Variants in PTGR3 observed in about 807,000 individuals in gnomAD.
PTGR3 encodes zinc binding alcohol dehydrogenase domain containing 2.
the PTGR3 span, chr18:75,205,224 C>T: frequency 1.0e-6 from 1 of 985,574 alleles, no homozygotes; most frequent in Non-Finnish European, 1.2e-6. Flanking sequence ...TCGCGCCTTC[C>T]GCTCCACCAG....
At chr18:75,205,263 G>A in the PTGR3 span, 2 of 985,684 alleles carry the variant, frequency 2.0e-6, no homozygotes, top group African/African-American at 3.5e-5. Context: ...CAGGCGCAAA[G>A]CGAATGCGGG....
the PTGR3 span, chr18:75,201,640 A>G: frequency 6.2e-7 from 1 of 1,614,238 alleles, no homozygotes; most frequent in Non-Finnish European, 8.5e-7. Context: ...TGGTTCAGGA[A>G]GAAGCCCTGT....
At chr18:75,195,849 G>C in the PTGR3 span, 3 of 152,240 alleles carry the variant, frequency 2.0e-5, no homozygotes, top group Non-Finnish European at 2.9e-5. Context: ...AGGAGGTCAA[G>C]GCTGCAGTGA....
At chr18:75,198,909 A>T in the PTGR3 span, 1 of 152,616 alleles carries the variant, frequency 6.6e-6, no homozygotes, top group East Asian at 1.9e-4. Flanking sequence ...TTCACCTCCC[A>T]TTAGAGGCTG....
the PTGR3 span, among the ~76,000 whole-genome samples, chr18:75,206,284 G>T: frequency 7.9e-5 from 12 of 152,154 alleles, no homozygotes; most frequent in East Asian, 2.1e-3. Context: ...TGAAGAATTT[G>T]TATTTTGTGC....
At chr18:75,203,230 G>C in the PTGR3 span, among the ~76,000 whole-genome samples, 3 of 152,102 alleles carry the variant, frequency 2.0e-5, no homozygotes, top group Non-Finnish European at 2.9e-5. Context: ...TTTCATCTCA[G>C]TATACCTCCT....
chr18:75,205,539 A>G, the PTGR3 span: 12 of 965,204 alleles, frequency 1.2e-5, no homozygotes, highest in Non-Finnish European at 1.5e-5. Context: ...TCACCAGCTT[A>G]TATGTACTTA....
chr18:75,208,570 G>A, the PTGR3 span: 4 of 962,984 alleles, frequency 4.2e-6, no homozygotes, highest in African/African-American at 3.4e-5. Flanking sequence ...GGGGAGGAGG[G>A]AGGGCTGGAG....
the PTGR3 span, among the ~76,000 whole-genome samples, chr18:75,206,439 G>A: frequency 6.6e-6 from 1 of 152,174 alleles, no homozygotes; most frequent in Non-Finnish European, 1.5e-5. Flanking sequence ...AAAATGAGAG[G>A]CACTTGCATA....
At chr18:75,201,520 T>C in the PTGR3 span, 8 of 1,614,056 alleles carry the variant, frequency 5.0e-6, no homozygotes, top group African/African-American at 9.3e-5. Flanking sequence ...TCCAGGCCAG[T>C]AAACCTGCCC....
At chr18:75,209,135 G>C in the PTGR3 span, 1 of 1,226,264 alleles carries the variant, frequency 8.2e-7, no homozygotes, top group Non-Finnish European at 1.0e-6. This position sits in a 1 kb window ranked among gnomAD's most constrained non-coding sequence, Gnocchi z 4.7. Context: ...GCTCGGCTGT[G>C]CTCTGCTCGG....
the PTGR3 span, chr18:75,202,295 G>T: frequency 5.6e-6 from 9 of 1,613,898 alleles, no homozygotes; most frequent in Non-Finnish European, 7.6e-6. Flanking sequence ...AGGGGTCATA[G>T]CGGCCTGCTG....
chr18:75,195,923 A>G, the PTGR3 span: 1 of 152,338 alleles, frequency 6.6e-6, no homozygotes, highest in South Asian at 2.1e-4. Flanking sequence ...CAAAAAAACA[A>G]AAACACAAAT....
the PTGR3 span, chr18:75,208,559 G>A: frequency 1.8e-6 from 2 of 1,091,030 alleles, no homozygotes; most frequent in Non-Finnish European, 2.2e-6. Flanking sequence ...GGGAGCGGGA[G>A]GGGGAGGAGG....
chr18:75,201,465 G>A, the PTGR3 span: 1 of 1,613,260 alleles, frequency 6.2e-7, no homozygotes, highest in Admixed American at 1.7e-5. Context: ...AATTTTTCCA[G>A]TGTTTTTTCC....
the PTGR3 span, chr18:75,197,203 T>G: frequency 6.6e-6 from 1 of 152,212 alleles, no homozygotes; most frequent in African/African-American, 2.4e-5. Flanking sequence ...TAAGACCTAC[T>G]ATTTGATAGC....
At chr18:75,208,725 G>A in the PTGR3 span, 2 of 1,010,460 alleles carry the variant, frequency 2.0e-6, no homozygotes, top group African/African-American at 3.4e-5. Context: ...GCAAACTCAG[G>A]CTGTGCGCCC....
the PTGR3 span, chr18:75,208,979 G>A: frequency 6.3e-7 from 1 of 1,594,642 alleles, no homozygotes; most frequent in South Asian, 1.1e-5. Flanking sequence ...GGGAATGGCG[G>A]AGCCCTGGAA....
chr18:75,208,855 C>T, the PTGR3 span: 1 of 1,507,784 alleles, frequency 6.6e-7, no homozygotes. Context: ...CTCACCGGTT[C>T]CGGACGAGGA....
Sources: allele counts gnomAD v4.1 joint callset (sites outside exome capture counted in the v4.1 genomes callset), GRCh38; gene constraint gnomAD v4.1.1; non-coding constraint Gnocchi (gnomAD v3.1); transcripts MANE v1.5; gene names NCBI Gene and HGNC (gene_info 2026-07-23, HGNC 2026-07-21).